Variants in SORCS3 observed in about 807,000 individuals in gnomAD.
The protein encoded by SORCS3 is sortilin related VPS10 domain containing receptor 3.
In SORCS3, 57 loss-of-function variants were observed where a neutral mutation model predicts 146.3. The observed-to-expected ratio is 0.39, with a 90% CI of 0.31 to 0.49. SORCS3 has a LOEUF of 0.49. Among genes scored for constraint, SORCS3 ranks in the 20% least tolerant of loss-of-function variants. The pLI is 0.92. For missense variants in SORCS3, 1,341 were observed against 1,575.5 expected, an observed-to-expected ratio of 0.85 and a Z score of 2.52; for synonymous variants, 653 against 618.5, an observed-to-expected ratio of 1.06 and a Z score of -0.83.
At chr10:105,093,859 C>T (rs529331037) in intron 6 of SORCS3, among the ~76,000 whole-genome samples, 1 of 152,046 alleles carries the variant, frequency 6.6e-6, no homozygotes, top group Non-Finnish European at 1.5e-5. Flanking sequence ...CATCTTATAA[C>T]CCAGCAATCC....
chr10:105,087,561 C>A (rs1461799691), intron 5 of SORCS3, among the ~76,000 whole-genome samples: 1 of 151,424 alleles, frequency 6.6e-6, no homozygotes, highest in Non-Finnish European at 1.5e-5. Context: ...CCTTGTGGTA[C>A]CCTCAGTCCT....
At chr10:105,147,369 G>T (rs911213642) in intron 8 of SORCS3, among the ~76,000 whole-genome samples, 3 of 152,098 alleles carry the variant, frequency 2.0e-5, no homozygotes, top group African/African-American at 7.2e-5. Flanking sequence ...GAAAGTAGAT[G>T]AATCCTTGAA....
At chr10:105,194,910 AGTGAGACATTCTAT>A (rs2056535799) in intron 14 of SORCS3, among the ~76,000 whole-genome samples, 1 of 152,184 alleles carries the variant, frequency 6.6e-6, no homozygotes. Flanking sequence ...AAACTCTGGG[AGTGAGACATTCTAT>A]GTTTAACAAC....
chr10:105,231,379 G>T (rs902267549), intron 20 of SORCS3, among the ~76,000 whole-genome samples: 31 of 152,150 alleles, frequency 2.0e-4, no homozygotes, highest in African/African-American at 6.8e-4. Context: ...CTGTAACCTT[G>T]CTATAATTAT....
chr10:104,963,836 A>T (rs1177589126), intron 3 of SORCS3, among the ~76,000 whole-genome samples: 1 of 152,164 alleles, frequency 6.6e-6, no homozygotes, highest in Non-Finnish European at 1.5e-5. Flanking sequence ...AGATAATTTG[A>T]GTTAGTTCCA....
chr10:105,020,827 G>A (rs1249082052), intron 4 of SORCS3, among the ~76,000 whole-genome samples: 1 of 152,138 alleles, frequency 6.6e-6, no homozygotes, highest in African/African-American at 2.4e-5. Flanking sequence ...TGCCATTCGT[G>A]GAGGGATACC....
chr10:105,087,858 A>C (rs1037714402), intron 5 of SORCS3, among the ~76,000 whole-genome samples: 10 of 152,374 alleles, frequency 6.6e-5, no homozygotes, highest in African/African-American at 2.4e-4. Context: ...CCTTTAAAAA[A>C]TACTGACACC....
At chr10:105,082,750 A>G (rs1024289830) in intron 5 of SORCS3, among the ~76,000 whole-genome samples, 4 of 152,132 alleles carry the variant, frequency 2.6e-5, no homozygotes, top group African/African-American at 9.7e-5. Context: ...ATTTATTTTT[A>G]GACAGAGTCT....
At chr10:104,868,062 G>T (rs992461328) in intron 2 of SORCS3, among the ~76,000 whole-genome samples, 1 of 152,248 alleles carries the variant, frequency 6.6e-6, no homozygotes, top group Non-Finnish European at 1.5e-5. Context: ...CCCTATCCTT[G>T]CTTCATATTT....
At chr10:104,850,152 G>A (rs2018258224) in intron 2 of SORCS3, among the ~76,000 whole-genome samples, 1 of 152,346 alleles carries the variant, frequency 6.6e-6, no homozygotes, top group Admixed American at 6.5e-5. Context: ...ATGGAAGGCA[G>A]GGTGGGGCCA....
intron 1 of SORCS3, among the ~76,000 whole-genome samples, chr10:104,808,737 T>G (rs1298468796): frequency 6.6e-6 from 1 of 152,198 alleles, no homozygotes; most frequent in East Asian, 1.9e-4. Context: ...CTACTGAGTA[T>G]TTACATCAGT....
intron 11 of SORCS3, among the ~76,000 whole-genome samples, chr10:105,159,989 A>G (rs1025765920): frequency 1.4e-4 from 21 of 152,188 alleles, no homozygotes; most frequent in Non-Finnish European, 1.3e-4. Flanking sequence ...CACTGGCTTC[A>G]GGGAGCCCAG....
At chr10:105,015,791 G>A (rs1442484506) in intron 4 of SORCS3, among the ~76,000 whole-genome samples, 2 of 152,006 alleles carry the variant, frequency 1.3e-5, no homozygotes, top group South Asian at 4.2e-4. Flanking sequence ...GTGCAGTGGC[G>A]TGATCTCAGC....
intron 3 of SORCS3, among the ~76,000 whole-genome samples, chr10:104,943,464 A>C (rs941189853): frequency 3.3e-5 from 5 of 152,224 alleles, no homozygotes; most frequent in African/African-American, 1.2e-4. Flanking sequence ...GCATCAAGTA[A>C]TATGTGATAA....
chr10:104,796,398 G>A (rs2017555872), intron 1 of SORCS3, among the ~76,000 whole-genome samples: 1 of 151,604 alleles, frequency 6.6e-6, no homozygotes, highest in South Asian at 2.1e-4. Flanking sequence ...TGAGTTTAGG[G>A]TAGAGTGTCT....
At chr10:104,850,691 A>C (rs1450120664) in intron 2 of SORCS3, among the ~76,000 whole-genome samples, 1 of 152,258 alleles carries the variant, frequency 6.6e-6, no homozygotes, top group African/African-American at 2.4e-5. Context: ...GTTACTAATT[A>C]ATCAGATTAC....
At chr10:105,243,335 G>C (rs1481473009) in intron 20 of SORCS3, among the ~76,000 whole-genome samples, 1 of 151,982 alleles carries the variant, frequency 6.6e-6, no homozygotes, top group Non-Finnish European at 1.5e-5. Flanking sequence ...CTTTGCCTAA[G>C]GATATTGATT....
chr10:104,725,073 T>G (rs1160557162), intron 1 of SORCS3, among the ~76,000 whole-genome samples: 1 of 152,184 alleles, frequency 6.6e-6, no homozygotes, highest in Non-Finnish European at 1.5e-5. Context: ...AGTTTCCAGT[T>G]TTTCTGCTCT....
At chr10:104,780,543 A>T (rs1222545438) in intron 1 of SORCS3, among the ~76,000 whole-genome samples, 1 of 152,164 alleles carries the variant, frequency 6.6e-6, no homozygotes, top group Non-Finnish European at 1.5e-5. Flanking sequence ...GCTTTGTTAG[A>T]TGAACAGGTC....
Sources: gnomAD v4.1 joint callset for allele counts (sites outside exome capture counted in the v4.1 genomes callset) on GRCh38, gnomAD v4.1.1 for gene constraint, MANE v1.5 for transcripts, NCBI Gene and HGNC (gene_info 2026-07-23, HGNC 2026-07-21) for gene names.